Variants in DIDO1 observed in about 807,000 individuals in gnomAD.
DIDO1 encodes death-inducer obliterator 1.
A neutral mutation model predicts 99.4 loss-of-function variants in DIDO1; 16 were observed. The observed-to-expected ratio is 0.16, with a 90% CI of 0.11 to 0.24. DIDO1 has a LOEUF of 0.24. DIDO1 is among the 10% of genes least tolerant of loss of function. The probability of loss-of-function intolerance (pLI) is 1.00; values close to 1 mark genes in which losing one functional copy is unlikely to be tolerated. For synonymous variants in DIDO1, 1,366 were observed against 1,239.1 expected (o/e 1.10, Z -2.15); for missense variants, 2,996 against 3,014.0 (o/e 0.99, Z 0.14).
Position 62,889,279 on chromosome 20 carries a change from C to T in DIDO1, c.3541+1681G>A, listed in dbSNP as rs186794665. ...CTTGCTGTGGGGAGAATGGAGGCGC[C>T]GCTCCTCTGGTGGCCTCCCTGGGCC... On this transcript the variant is annotated intron_variant, in intron 15 of 15. Coordinates refer to ENST00000395343, the MANE Select transcript of DIDO1 (RefSeq NM_001193369.2). The T allele has an allele frequency of 4.4e-5, 43 of 985,602 alleles. No homozygotes were observed. In the East Asian group the frequency reaches 9.1e-4, roughly 21 times the overall value. 61.1% of individuals were successfully genotyped at this position (985,602 alleles called of 1,614,324 possible).
chr20:62,905,853 G>T lies in DIDO1; in HGVS notation c.1588+34C>A, dbSNP rs757255337. 6 of 1,614,098 alleles carry T rather than the reference G, an allele frequency of 3.7e-6. No individual in the cohort carries two copies. In the East Asian group the frequency reaches 1.3e-4, roughly 36 times the overall value. Reference sequence around the variant, plus strand: ...GATGGCTATCCAGAAAGAACGGGAGGGGTCCAGGAGGCCAACCCCTAGGTG... The same window carrying T: ...GATGGCTATCCAGAAAGAACGGGAGTGGTCCAGGAGGCCAACCCCTAGGTG... On this transcript the variant is annotated intron_variant, in intron 6 of 15. Transcript: ENST00000395343.
At chr20:62,920,146 G>A (rs188315927) in intron 1 of DIDO1, among the ~76,000 whole-genome samples, 222 of 152,292 alleles carry the variant, frequency 1.5e-3, no homozygotes, top group African/African-American at 5.0e-3. Context: ...TCCCCATGAA[G>A]AAATCCACCT....
intron 5 of DIDO1, 99 bp from the exon 6 acceptor site, chr20:62,906,199 G>A: frequency 6.9e-7 from 1 of 1,451,990 alleles, no homozygotes; most frequent in Non-Finnish European, 9.2e-7. Flanking sequence ...ATGTCTTCCT[G>A]AGGCCATCTG....
At position 62,891,101 on chromosome 20, in the gene DIDO1, T is replaced by G. The variant is rs777437580; in HGVS notation, c.3400A>C (p.Ile1134Leu). Reference protein sequence around the residue: ...PATEEEEVAYISLYSYFSSRG... With the variant: ...PATEEEEVAYLSLYSYFSSRG... ...CTGCTGAAATAGGAGTAGAGAGAGA[T>G]ATAGGCGACCTCCTCTTCCTCTGTG... Residue 1134 changes from isoleucine (I) to leucine (L), a missense_variant, in exon 15 of 16, where the codon ATC becomes CTC. By Grantham distance (5) the Ile-to-Leu change is conservative. Coordinates refer to ENST00000395343, the MANE Select transcript of DIDO1 (RefSeq NM_001193369.2). The G allele has an allele frequency of 2.5e-6, 4 of 1,614,110 alleles. No homozygotes were observed. Among genetic ancestry groups the G allele is most frequent in the Admixed American group, 3.3e-5 (2 of 60,014 alleles).
At chr20:62,897,977 G>A (rs1330591399) in intron 6 of DIDO1, among the ~76,000 whole-genome samples, 1 of 152,192 alleles carries the variant, frequency 6.6e-6, no homozygotes, top group Non-Finnish European at 1.5e-5. Flanking sequence ...GCAAGTGCCT[G>A]GGAGCTACCT....
intron 15 of DIDO1, chr20:62,889,092 C>T (rs1432377480): frequency 2.0e-6 from 2 of 985,406 alleles, no homozygotes; most frequent in African/African-American, 3.5e-5. Flanking sequence ...TGACGTTCCC[C>T]CAGCTGGTCG....
intron 15 of DIDO1, among the ~76,000 whole-genome samples, chr20:62,885,707 G>A (rs1045658250): frequency 3.9e-5 from 6 of 152,242 alleles, no homozygotes; most frequent in Admixed American, 1.3e-4. Context: ...AGGCACACCC[G>A]CTGTGAAACA....
intron 3 of DIDO1, among the ~76,000 whole-genome samples, chr20:62,910,431 G>A (rs1261705643): frequency 1.3e-5 from 2 of 152,200 alleles, no homozygotes; most frequent in Admixed American, 1.3e-4. Context: ...CCAAGGGGCA[G>A]TCTAGAGGAG....
chr20:62,927,674 C>T (rs1601047330), upstream of DIDO1, among the ~76,000 whole-genome samples: 1 of 152,266 alleles, frequency 6.6e-6, no homozygotes, highest in East Asian at 1.9e-4. Flanking sequence ...AATACAGAGG[C>T]TTCTGCGATG....
At chr20:62,914,557 C>T (rs2065005154) in intron 1 of DIDO1, among the ~76,000 whole-genome samples, 151 bp from the exon 2 acceptor site, 1 of 152,202 alleles carries the variant, frequency 6.6e-6, no homozygotes, top group East Asian at 1.9e-4. Flanking sequence ...AACCAGCACG[C>T]AAGCAGTGTC....
intron 15 of DIDO1, chr20:62,890,237 C>A (rs1370580734): frequency 1.1e-5 from 11 of 985,890 alleles, no homozygotes; most frequent in African/African-American, 1.7e-5. Context: ...GCCACGGAGA[C>A]ACTTCAGTTG....
At chr20:62,922,221 C>A (rs138313926) in intron 1 of DIDO1, among the ~76,000 whole-genome samples, 1 of 88,170 alleles carries the variant, frequency 1.1e-5, no homozygotes, top group Non-Finnish European at 2.3e-5. Context: ...CATATATATA[C>A]ACACACACAC....
At chr20:62,927,027 T>G (rs545153255), upstream of DIDO1, among the ~76,000 whole-genome samples, 6 of 149,526 alleles carry the variant, frequency 4.0e-5, no homozygotes, top group African/African-American at 1.5e-4. Flanking sequence ...GAGGTCCAGG[T>G]GTGGGCGGGG....
intron 15 of DIDO1, among the ~76,000 whole-genome samples, chr20:62,883,273 T>C (rs2064243148): frequency 6.6e-6 from 1 of 152,164 alleles, no homozygotes; most frequent in African/African-American, 2.4e-5. Context: ...ACTCTAAATA[T>C]ACTAATATTA....
intron 15 of DIDO1, chr20:62,888,752 G>A (rs1600921804): frequency 5.1e-6 from 5 of 985,370 alleles, no homozygotes; most frequent in Non-Finnish European, 4.8e-6. Flanking sequence ...GCCAAGTCAA[G>A]TAATCAGTAC....
At chr20:62,888,618 C>T (rs1331860814) in intron 15 of DIDO1, 12 of 985,454 alleles carry the variant, frequency 1.2e-5, no homozygotes, top group African/African-American at 8.7e-5. Context: ...GGACAGGGTC[C>T]GCTGAGACAG....
intron 1 of DIDO1, among the ~76,000 whole-genome samples, chr20:62,933,010 C>T (rs531119186): frequency 2.0e-5 from 3 of 152,258 alleles, no homozygotes; most frequent in South Asian, 2.1e-4. Flanking sequence ...GTCTGGAGTT[C>T]GAGACCAGCC....
chr20:62,889,190 T>C, intron 15 of DIDO1: 1 of 985,534 alleles, frequency 1.0e-6, no homozygotes, highest in Non-Finnish European at 1.2e-6. Context: ...CCCGGTGCCA[T>C]CCGGGAGGTG....
At chr20:62,900,364 A>C (rs1486109066) in intron 6 of DIDO1, among the ~76,000 whole-genome samples, 1 of 152,188 alleles carries the variant, frequency 6.6e-6, no homozygotes, top group Non-Finnish European at 1.5e-5. Flanking sequence ...AGCACACTCT[A>C]ATTGGCCAAT....
Sources: gnomAD v4.1 joint callset for allele counts (sites outside exome capture counted in the v4.1 genomes callset) on GRCh38, gnomAD v4.1.1 for gene constraint, MANE v1.5 for transcripts, NCBI Gene and HGNC (gene_info 2026-07-23, HGNC 2026-07-21) for gene names.